TMEM244: variants seen among roughly 807,000 people sequenced by gnomAD.
The protein encoded by TMEM244 is putative transmembrane protein 244.
In TMEM244, 13 loss-of-function variants were observed where a neutral mutation model predicts 15.8. That is an observed-to-expected ratio of 0.82 (90% CI 0.53 to 1.30). TMEM244 has a LOEUF of 1.30. Ranked by LOEUF, TMEM244 falls within the 50% of genes most tolerant of loss-of-function variation. TMEM244 has a pLI of 0.00. For synonymous variants in TMEM244, 45 were observed against 48.7 expected, an observed-to-expected ratio of 0.92 and a Z score of 0.32; for missense variants, 161 against 144.9, an observed-to-expected ratio of 1.11 and a Z score of -0.57.
In TMEM244 at chr6:129,847,604, G is replaced by A. The variant is rs994428432; in HGVS notation, c.34-1752C>T. Among the ~76,000 whole-genome samples, 4 of 152,008 alleles carry A rather than the reference G, an allele frequency of 2.6e-5. No homozygotes were observed. In the East Asian group the frequency reaches 7.8e-4, roughly 29 times the overall value. The stretch of plus-strand genomic sequence containing the variant: ...AGAAAACAGGACTCCAAGGTTCTGG[G>A]ACCTTCAGGATCTTCCCCCATCCCT... On this transcript the variant is annotated intron_variant, in intron 1 of 4. Transcript: ENST00000368143.
chr6:129,831,789 T>C (rs1776331948), intron 4 of TMEM244, among the ~76,000 whole-genome samples: 1 of 152,190 alleles, frequency 6.6e-6, no homozygotes, highest in Non-Finnish European at 1.5e-5. Flanking sequence ...TCATAACTTT[T>C]CTAGGTCCAG....
intron 3 of TMEM244, among the ~76,000 whole-genome samples, chr6:129,841,578 A>T (rs1000535042): frequency 3.3e-5 from 5 of 152,186 alleles, no homozygotes; most frequent in African/African-American, 9.6e-5. Context: ...ATAATAATAA[A>T]AAAGAGTTAT....
At chr6:129,847,597 G>A (rs1286450471) in intron 1 of TMEM244, among the ~76,000 whole-genome samples, 2 of 152,090 alleles carry the variant, frequency 1.3e-5, no homozygotes, top group East Asian at 3.9e-4. Context: ...GGACTCCAAG[G>A]TTCTGGGACC....
At chr6:129,843,035 A>G (rs1776512945) in intron 3 of TMEM244, among the ~76,000 whole-genome samples, 1 of 152,062 alleles carries the variant, frequency 6.6e-6, no homozygotes, top group African/African-American at 2.4e-5. Context: ...AAATGTACAA[A>G]GTAGAGAATG....
Position 129,833,551 on chromosome 6 carries a change from A to G in TMEM244, c.228T>C (p.Val76=). 6.2e-7 allele frequency: 1 copy of G among 1,612,868 alleles called. No individual in the cohort carries two copies. Among genetic ancestry groups the G allele is most frequent in the South Asian group, 1.1e-5 (1 of 90,950 alleles). ...CAACTGGAACAAAAAACAATCCACA[A>G]ACAAAGTAGGTGACCTCTGTTGAAA... The part of the protein sequence containing the change: ...LLVSTEVTYF[V]CGLFFVPVVE... Residue 76 remains valine, a synonymous_variant, in exon 4 of 5, where the codon GTT becomes GTC. Coordinates refer to ENST00000368143, the MANE Select transcript of TMEM244 (RefSeq NM_001010876.2).
At chr6:129,843,073 A>G (rs1431253775) in intron 3 of TMEM244, among the ~76,000 whole-genome samples, 1 of 152,100 alleles carries the variant, frequency 6.6e-6, no homozygotes, top group Non-Finnish European at 1.5e-5. Context: ...CAGATGGGAG[A>G]TAACAGTTTG....
intron 3 of TMEM244, among the ~76,000 whole-genome samples, chr6:129,836,341 G>A (rs74603997): frequency 4.5e-4 from 68 of 152,124 alleles, no homozygotes; most frequent in African/African-American, 1.6e-3. Context: ...ACTGTTAGAG[G>A]GAAAACTAAC....
rs1776724584 is a variant in TMEM244 at position 129,857,223 on chromosome 6, T to C, written c.33+3933A>G. Among the ~76,000 whole-genome samples, 3 of 151,838 alleles carry C rather than the reference T, an allele frequency of 2.0e-5. No homozygotes were observed. In the South Asian group the frequency reaches 6.2e-4, roughly 31 times the overall value. ...CAATATCACCTGTAAATAGAGATAG[T>C]TTTACTTCTATTTTAATTCTCATGA... On this transcript the variant is annotated intron_variant, in intron 1 of 4. Coordinates refer to ENST00000368143, the MANE Select transcript of TMEM244 (RefSeq NM_001010876.2).
intron 1 of TMEM244, among the ~76,000 whole-genome samples, chr6:129,852,204 A>G (rs576101475): frequency 1.2e-3 from 181 of 152,256 alleles, no homozygotes; most frequent in African/African-American, 3.8e-3. Context: ...AAATTTGCAT[A>G]TGTTTACTTT....
At chr6:129,835,389 T>A in intron 3 of TMEM244, among the ~76,000 whole-genome samples, 1 of 138,034 alleles carries the variant, frequency 7.2e-6, no homozygotes, top group African/African-American at 2.8e-5. Context: ...GGTGACAGAG[T>A]GAATCTCTGT....
chr6:129,856,311 T>G (rs2114647021), intron 1 of TMEM244, among the ~76,000 whole-genome samples: 1 of 152,288 alleles, frequency 6.6e-6, no homozygotes, highest in Middle Eastern at 3.4e-3. Flanking sequence ...TATACACTTT[T>G]GTCTATTTGT....
intron 4 of TMEM244, among the ~76,000 whole-genome samples, chr6:129,833,014 T>G (rs1239310488): frequency 6.6e-6 from 1 of 152,154 alleles, no homozygotes; most frequent in Non-Finnish European, 1.5e-5. Context: ...TATTTCAGTT[T>G]AGTTCTGAAT....
Position 129,833,418 on chromosome 6 carries a change from T to G in TMEM244, c.319+42A>C, listed in dbSNP as rs773009673. 1.9e-6 allele frequency: 3 copies of G among 1,597,102 alleles called. No homozygotes were observed. In the African/African-American group the frequency reaches 4.1e-5, roughly 22 times the overall value. On this transcript the variant is annotated intron_variant, in intron 4 of 4. Coordinates refer to ENST00000368143, the MANE Select transcript of TMEM244 (RefSeq NM_001010876.2). ...GAAGTGGTTTATGTCCAACATCTGTTTTAATACATTTTCCTTGTTTCTGTT... is the reference window on the plus strand; with the variant it reads ...GAAGTGGTTTATGTCCAACATCTGTGTTAATACATTTTCCTTGTTTCTGTT...
chr6:129,861,151 T>G lies in TMEM244; in HGVS notation c.33+5A>C. On this transcript the variant is annotated splice_donor_5th_base_variant and intron_variant, in intron 1 of 4. Transcript: ENST00000368143. The stretch of plus-strand genomic sequence containing the variant: ...AGGCAATGCAAAGAAGTAATTTCTC[T>G]TTACCTTGCTTGGAGCAACTCTGAC... 1 of 1,613,740 alleles carries G rather than the reference T, an allele frequency of 6.2e-7. No individual in the cohort carries two copies. Among genetic ancestry groups the G allele is most frequent in the East Asian group, 2.2e-5 (1 of 44,848 alleles).
intron 1 of TMEM244, among the ~76,000 whole-genome samples, chr6:129,850,373 G>A (rs1776621414): frequency 6.6e-6 from 1 of 152,188 alleles, no homozygotes; most frequent in Non-Finnish European, 1.5e-5. Context: ...GGGCCATTAG[G>A]TCGGGAAAGT....
At chr6:129,848,646 A>G (rs2114642054) in intron 1 of TMEM244, among the ~76,000 whole-genome samples, 1 of 152,324 alleles carries the variant, frequency 6.6e-6, no homozygotes, top group South Asian at 2.1e-4. Context: ...GTGCGCATAC[A>G]TCAACTGGTT....
intron 3 of TMEM244, among the ~76,000 whole-genome samples, chr6:129,834,566 A>C (rs1038210689): frequency 2.6e-5 from 4 of 152,222 alleles, no homozygotes; most frequent in Non-Finnish European, 4.4e-5. Context: ...CCAGCAAGCC[A>C]GTGATTGCAG....
Position 129,831,368 on chromosome 6 carries a change from A to T in TMEM244, c.338T>A (p.Leu113Ter), listed in dbSNP as rs1776326852. 1 of 1,581,066 alleles carries T rather than the reference A, an allele frequency of 6.3e-7. No individual in the cohort carries two copies. Among genetic ancestry groups the T allele is most frequent in the Admixed American group, 1.7e-5 (1 of 59,840 alleles). The change falls in exon 5 of 5, where the codon TTG becomes TAG. Residue 113 changes from leucine to a stop codon, truncating the protein, a stop_gained. Transcript: ENST00000368143. LOFTEE classifies it high-confidence loss of function. ...TAAAGCAGCCCACCAATGTGATGTC[A>T]AGGGGAATTCCAACATAACTGCAAT... ...ITSTVMLEFP[L>*]TSHWWAALGI...
Position 129,843,547 on chromosome 6 carries a change from A to C in TMEM244, c.176T>G (p.Leu59Arg). The C allele has an allele frequency of 6.2e-7, 1 of 1,611,152 alleles. No homozygotes were observed. The highest frequency in any genetic ancestry group is 8.5e-7 in the Non-Finnish European group (1 of 1,177,726). ...ACAATTACCTTTATAGTTTATGTTG[A>C]GCCATGAGGGATTTGTTTTGAAATC... is the stretch of plus-strand genomic sequence containing the variant. ...PFDFKTNPSW[L>R]NINYKVLLVS... The change falls in exon 3 of 5, where the codon CTC becomes CGC. Residue 59 changes from leucine (L) to arginine (R), a missense_variant. By Grantham distance (102) the Leu-to-Arg change is moderately radical. Transcript: ENST00000368143.
Sources: allele counts gnomAD v4.1 joint callset (sites outside exome capture counted in the v4.1 genomes callset), GRCh38; gene constraint gnomAD v4.1.1; transcripts MANE v1.5; gene names NCBI Gene and HGNC (gene_info 2026-07-23, HGNC 2026-07-21).